The following TTC7B variants were observed in gnomAD, a reference collection of about 807,000 sequenced individuals.
The protein encoded by TTC7B is tetratricopeptide repeat domain 7B.
Under a neutral mutation model 106.8 loss-of-function variants are expected in TTC7B, and 28 were observed. The ratio of observed to expected loss-of-function variants is 0.26; its 90% CI spans 0.19 to 0.36. The LOEUF (loss-of-function observed/expected upper bound fraction) is 0.36, where lower values mean the gene tolerates loss of function less well. Ranked by LOEUF, TTC7B falls within the 10% of genes least tolerant of loss-of-function variation. TTC7B has a pLI of 1.00. For missense variants in TTC7B, 862 were observed against 1,076.4 expected (o/e 0.80, Z 2.79); for synonymous variants, 405 against 430.6 (o/e 0.94, Z 0.74).
chr14:90,669,200 T>G (rs768749024), intron 9 of TTC7B, among the ~76,000 whole-genome samples: 4 of 152,062 alleles, frequency 2.6e-5, no homozygotes, highest in Non-Finnish European at 4.4e-5. Context: ...TCACACCATA[T>G]ACAAAAAAAC....
chr14:90,685,218 C>G (rs1051118362), intron 7 of TTC7B, among the ~76,000 whole-genome samples: 1 of 152,180 alleles, frequency 6.6e-6, no homozygotes, highest in African/African-American at 2.4e-5. Flanking sequence ...TATTATACTT[C>G]TCATAAGAGA....
At position 90,538,334 on chromosome 14, in the gene TTC7B, G is replaced by A. The variant is rs955724588; in HGVS notation, c.*3034C>T. 1.3e-5 allele frequency: 2 copies of A among 152,238 alleles called. No homozygotes were observed. Among genetic ancestry groups the A allele is most frequent in the African/African-American group, 4.8e-5 (2 of 41,438 alleles). 9.4% of individuals were successfully genotyped at this position (152,238 alleles called of 1,614,324 possible). A position where few individuals can be genotyped will look rare whatever the true frequency, so the allele number is the denominator to read the frequency against. On this transcript the variant is annotated 3_prime_UTR_variant, in exon 20 of 20. Coordinates refer to ENST00000328459, the MANE Select transcript of TTC7B (RefSeq NM_001010854.2). ...TGAATGGATGGATGGATGGATGGAC[G>A]GATGGATGAATGTCCTTAGTTGGGA...
In TTC7B at chr14:90,810,300, C is replaced by T. The variant is rs570128581; in HGVS notation, c.121+5875G>A. On this transcript the variant is annotated intron_variant, in intron 1 of 19. Transcript: ENST00000328459. ...TCAAAAAATTCTGCATTCTGAAATACATCTGGCCCCAAGGGCTTCCGAAAA... is the reference window on the plus strand; with the variant it reads ...TCAAAAAATTCTGCATTCTGAAATATATCTGGCCCCAAGGGCTTCCGAAAA... Among the ~76,000 whole-genome samples the T allele has an allele frequency of 6.6e-5, 10 of 152,302 alleles. No individual in the cohort carries two copies. In the South Asian group the frequency reaches 2.1e-3, roughly 32 times the overall value.
chr14:90,623,178 C>A (rs1415706172), intron 15 of TTC7B, among the ~76,000 whole-genome samples: 1 of 152,170 alleles, frequency 6.6e-6, no homozygotes, highest in African/African-American at 2.4e-5. Flanking sequence ...CGAGAGCTCA[C>A]AACTGTGAAA....
intron 19 of TTC7B, among the ~76,000 whole-genome samples, chr14:90,552,604 C>A (rs1028953162): frequency 6.6e-6 from 1 of 152,194 alleles, no homozygotes. Flanking sequence ...AGGCCGCTGA[C>A]GTGCTGGTCC....
intron 17 of TTC7B, among the ~76,000 whole-genome samples, chr14:90,597,081 GAGA>G (rs1892236596): frequency 6.6e-6 from 1 of 152,274 alleles, no homozygotes; most frequent in Non-Finnish European, 1.5e-5. Context: ...TTAAAATATA[GAGA>G]AGGATAACAG....
At chr14:90,751,577 TTTTTTTATTTTTTA>T (rs1400369913) in intron 3 of TTC7B, among the ~76,000 whole-genome samples, 2 of 151,306 alleles carry the variant, frequency 1.3e-5, no homozygotes, top group Non-Finnish European at 3.0e-5. Context: ...TTTTTATTTA[TTTTTTTATTTTTTA>T]TTTTTTATTT....
intron 3 of TTC7B, 22 bp downstream of exon 3, chr14:90,780,716 T>C (rs1891190906): frequency 6.2e-7 from 1 of 1,611,304 alleles, no homozygotes; most frequent in East Asian, 2.2e-5. Context: ...CGGGACACTG[T>C]GTTAGAAGGC....
At chr14:90,543,075 G>T (rs1314136059) in intron 19 of TTC7B, among the ~76,000 whole-genome samples, 5 of 152,126 alleles carry the variant, frequency 3.3e-5, no homozygotes. Flanking sequence ...AACCATTGAG[G>T]TTAAATATTT....
intron 9 of TTC7B, among the ~76,000 whole-genome samples, chr14:90,675,413 C>T (rs1886791537): frequency 6.6e-6 from 1 of 152,078 alleles, no homozygotes; most frequent in South Asian, 2.1e-4. Flanking sequence ...AATCAAGGTA[C>T]CGGGAGAGGT....
At chr14:90,731,446 G>T (rs1325474727) in intron 4 of TTC7B, among the ~76,000 whole-genome samples, 1 of 152,200 alleles carries the variant, frequency 6.6e-6, no homozygotes, top group African/African-American at 2.4e-5. Flanking sequence ...AAACAGAGTG[G>T]AAGTAATTAT....
At chr14:90,744,408 G>A (rs1157067804) in intron 4 of TTC7B, among the ~76,000 whole-genome samples, 1 of 151,978 alleles carries the variant, frequency 6.6e-6, no homozygotes, top group Non-Finnish European at 1.5e-5. Flanking sequence ...CCATCTCCTG[G>A]GTTCAAGCAA....
intron 19 of TTC7B, among the ~76,000 whole-genome samples, chr14:90,562,269 T>C (rs1019633225): frequency 6.6e-6 from 1 of 152,140 alleles, no homozygotes; most frequent in African/African-American, 2.4e-5. Flanking sequence ...CGTGAAGGCA[T>C]CTTACCCAAC....
At chr14:90,627,736 C>T (rs1021222359) in intron 15 of TTC7B, among the ~76,000 whole-genome samples, 4 of 152,210 alleles carry the variant, frequency 2.6e-5, no homozygotes, top group Admixed American at 2.6e-4. Flanking sequence ...CTGGAATACT[C>T]CCCCATCCTT....
In TTC7B at chr14:90,759,536, C is replaced by T. The variant is rs1441138802; in HGVS notation, c.446-14614G>A. 6.6e-6 allele frequency among the ~76,000 whole-genome samples: 1 copy of T among 152,140 alleles called. No homozygotes were observed. Among genetic ancestry groups the T allele is most frequent in the African/African-American group, 2.4e-5 (1 of 41,414 alleles). On this transcript the variant is annotated intron_variant, in intron 3 of 19. Coordinates refer to ENST00000328459, the MANE Select transcript of TTC7B (RefSeq NM_001010854.2). The surrounding 1 kb of genome is among the most constrained non-coding windows in gnomAD (Gnocchi z 4.1). ...CCACACATTGCAGAGGCGAAAACTG[C>T]ATTAAGGAGGCCCAGAGAGTCACCT...
chr14:90,730,314 G>T, intron 4 of TTC7B, 118 bp from the exon 5 acceptor site: 1 of 1,206,664 alleles, frequency 8.3e-7, no homozygotes, highest in Non-Finnish European at 1.1e-6. Flanking sequence ...GCAAATATCA[G>T]TGCAGAGGCA....
chr14:90,741,848 G>A (rs1302586407), intron 4 of TTC7B, among the ~76,000 whole-genome samples: 3 of 152,140 alleles, frequency 2.0e-5, no homozygotes, highest in African/African-American at 7.2e-5. Flanking sequence ...CAAAACAGAT[G>A]TTGGGTTCAT....
chr14:90,629,373 C>A (rs1238330949), intron 15 of TTC7B, among the ~76,000 whole-genome samples: 1 of 152,078 alleles, frequency 6.6e-6, no homozygotes, highest in African/African-American at 2.4e-5. Context: ...CCAGCAAGCA[C>A]CTTATACCGC....
At chr14:90,737,374 T>C (rs1280766210) in intron 4 of TTC7B, among the ~76,000 whole-genome samples, 2 of 152,142 alleles carry the variant, frequency 1.3e-5, no homozygotes, top group South Asian at 4.1e-4. Context: ...CCCAAATGCA[T>C]ATCAATTGGT....
Sources: gnomAD v4.1 joint callset for allele counts (sites outside exome capture counted in the v4.1 genomes callset) on GRCh38, gnomAD v4.1.1 for gene constraint, Gnocchi (gnomAD v3.1) non-coding constraint, MANE v1.5 for transcripts, NCBI Gene and HGNC (gene_info 2026-07-23, HGNC 2026-07-21) for gene names.